Variants in IGLON5 observed in about 807,000 individuals in gnomAD.
IGLON5 encodes Ig-like domain-containing protein ENSP00000270642.
IGLON5 carries 16 observed loss-of-function variants against 38.2 expected under a neutral mutation model. The observed-to-expected ratio is 0.42, with a 90% CI of 0.28 to 0.64. IGLON5 has a LOEUF of 0.64. Ranked by LOEUF, IGLON5 falls within the 30% of genes least tolerant of loss-of-function variation. The pLI is 0.23. For missense variants in IGLON5, 366 were observed against 483.4 expected (o/e 0.76, Z 2.28); for synonymous variants, 207 against 216.4 (o/e 0.96, Z 0.38).
chr19:51,313,589 T>G (rs1984822523), intron 1 of IGLON5, among the ~76,000 whole-genome samples: 1 of 131,386 alleles, frequency 7.6e-6, no homozygotes. Flanking sequence ...TTCTCTTTCC[T>G]TCTTTCTCTT....
At chr19:51,314,164 A>C (rs1599821767) in intron 1 of IGLON5, among the ~76,000 whole-genome samples, 2 of 144,178 alleles carry the variant, frequency 1.4e-5, no homozygotes, top group Admixed American at 6.9e-5. Context: ...TCTCACTGCA[A>C]CTTCCCATTT....
At chr19:51,312,685 GATGGGC>G (rs1984797487) in intron 1 of IGLON5, among the ~76,000 whole-genome samples, 1 of 152,044 alleles carries the variant, frequency 6.6e-6, no homozygotes, top group Non-Finnish European at 1.5e-5. Context: ...GTGGAAGAGC[GATGGGC>G]ATGGGAGGAT....
In IGLON5 at chr19:51,323,698, G is replaced by A. The variant is rs892964109; in HGVS notation, c.195G>A (p.Trp65Ter). The A allele has an allele frequency of 6.2e-7, 1 of 1,613,698 alleles. No individual in the cohort carries two copies. Among genetic ancestry groups the A allele is most frequent in the Non-Finnish European group, 8.5e-7 (1 of 1,179,834 alleles). The change falls in exon 3 of 8, where the codon TGG becomes TGA. Residue 65 changes from tryptophan to a stop codon, truncating the protein, a stop_gained. Transcript: ENST00000270642. LOFTEE classifies it high-confidence loss of function. Reference sequence around the variant, plus strand: ...ACGAGCACGTGACCCGCGTGGCCTGGCTGAACCGCTCCAACATCCTGTATG... The same window carrying A: ...ACGAGCACGTGACCCGCGTGGCCTGACTGAACCGCTCCAACATCCTGTATG... ...FIDEHVTRVA[W>*]LNRSNILYAG... is the part of the protein sequence containing the mutation.
rs1985241731 is a variant in IGLON5, at chr19:51,327,276, C to T, written c.767+76C>T. On this transcript the variant is annotated intron_variant, in intron 6 of 7. Coordinates refer to ENST00000270642, the MANE Select transcript of IGLON5 (RefSeq NM_001101372.3). The surrounding 1 kb of genome is among the most constrained non-coding windows in gnomAD (Gnocchi z 7.1). ...TCCCTTCGATTGTGAGGCAGGGGGA[C>T]GGAGCGGGGCGGGGGAAGGCAGCAG... 1 of 1,521,980 alleles carries T rather than the reference C, an allele frequency of 6.6e-7. No homozygotes were observed. Among genetic ancestry groups the T allele is most frequent in the Non-Finnish European group, 8.9e-7 (1 of 1,128,520 alleles). 94.3% of individuals were successfully genotyped at this position (1,521,980 alleles called of 1,614,324 possible). A position where few individuals can be genotyped will look rare whatever the true frequency, so the allele number is the denominator to read the frequency against.
rs1288948562 is a variant in IGLON5, at chr19:51,328,864, C to T, written c.*105C>T. On this transcript the variant is annotated 3_prime_UTR_variant, in exon 8 of 8. Coordinates refer to ENST00000270642, the MANE Select transcript of IGLON5 (RefSeq NM_001101372.3). Reference sequence around the variant, plus strand: ...GGTCTCGTGGGGGCAGAAGAGCTCTCGGCCACCAAGGAAGAAGAGAGAGGA... The same window carrying T: ...GGTCTCGTGGGGGCAGAAGAGCTCTTGGCCACCAAGGAAGAAGAGAGAGGA... 1.0e-5 allele frequency: 7 copies of T among 674,950 alleles called. No individual in the cohort carries two copies. The highest frequency in any genetic ancestry group is 3.8e-5 in the African/African-American group (2 of 52,956). 41.8% of individuals were successfully genotyped at this position (674,950 alleles called of 1,614,324 possible). A position where few individuals can be genotyped will look rare whatever the true frequency, so the allele number is the denominator to read the frequency against.
At position 51,320,828 on chromosome 19, in the gene IGLON5, C is replaced by G. The variant is rs565833163; in HGVS notation, c.80-1236C>G. The stretch of plus-strand genomic sequence containing the variant: ...CATGCATCTGGTTTTATGTGTATGC[C>G]TTCGGTACATTTCTGAGTTAATGTA... On this transcript the variant is annotated intron_variant, in intron 1 of 7. Coordinates refer to ENST00000270642, the MANE Select transcript of IGLON5 (RefSeq NM_001101372.3). 2.0e-5 allele frequency among the ~76,000 whole-genome samples: 3 copies of G among 152,194 alleles called. No individual in the cohort carries two copies. In the South Asian group the frequency reaches 6.2e-4, roughly 32 times the overall value.
At chr19:51,312,982 C>A (rs950151561) in intron 1 of IGLON5, among the ~76,000 whole-genome samples, 3 of 152,130 alleles carry the variant, frequency 2.0e-5, no homozygotes, top group Admixed American at 2.0e-4. Flanking sequence ...CTGGAGGATT[C>A]CCCCAGGCCC....
rs1985185460 is a variant in IGLON5, at chr19:51,325,273, T to C, written c.392-73T>C. On this transcript the variant is annotated intron_variant, in intron 3 of 7. Transcript: ENST00000270642. This position sits in a 1 kb window ranked among gnomAD's most constrained non-coding sequence, Gnocchi z 5.5. ...AGGAGGGGCTGGGGGTCTGGACTCC[T>C]GGGTCTGAAGGAGGAAGGGCTGGGG... 2.6e-6 allele frequency: 4 copies of C among 1,568,352 alleles called. No individual in the cohort carries two copies. Among genetic ancestry groups the C allele is most frequent in the African/African-American group, 2.7e-5 (2 of 73,884 alleles).
rs1447388619 is a variant in IGLON5 at position 51,323,663 on chromosome 19, TGCTTCATC to T, written c.162_169del (p.Cys54Ter). The T allele has an allele frequency of 6.2e-7, 1 of 1,606,500 alleles. No individual in the cohort carries two copies. Among genetic ancestry groups the T allele is most frequent in the South Asian group, 1.1e-5 (1 of 90,878 alleles). On this transcript the variant is annotated frameshift_variant and splice_region_variant, in exon 3 of 8. Transcript: ENST00000270642. LOFTEE classifies it high-confidence loss of function. ...CCTTCCCACTCATTCTCCCTGCAGC[TGCTTCATC>T]GACGAGCACGTGACCCGCGTGGCCT...
chr19:51,321,030 T>A (rs756572324), intron 1 of IGLON5, among the ~76,000 whole-genome samples: 2 of 152,206 alleles, frequency 1.3e-5, no homozygotes, highest in Non-Finnish European at 2.9e-5. Context: ...TATTTGTGTG[T>A]GTGTATGTGT....
intron 1 of IGLON5, among the ~76,000 whole-genome samples, chr19:51,321,159 G>A (rs915876465): frequency 6.6e-6 from 1 of 152,178 alleles, no homozygotes; most frequent in African/African-American, 2.4e-5. Context: ...CTCTGCATAT[G>A]TATATGTATC....
At chr19:51,326,665 C>G in intron 4 of IGLON5, 99 bp from the exon 5 acceptor site, 1 of 700,016 alleles carries the variant, frequency 1.4e-6, no homozygotes. Context: ...CAGGCCTTGC[C>G]GTGCCCGCCC....
At chr19:51,319,667 T>C (rs976578958) in intron 1 of IGLON5, among the ~76,000 whole-genome samples, 12 of 152,244 alleles carry the variant, frequency 7.9e-5, no homozygotes, top group African/African-American at 2.9e-4. Context: ...ATGGGGTGAC[T>C]CAGGGTGCAG....
intron 1 of IGLON5, among the ~76,000 whole-genome samples, chr19:51,313,032 G>A (rs1055066518): frequency 1.3e-5 from 2 of 152,104 alleles, no homozygotes; most frequent in African/African-American, 4.8e-5. Context: ...CAAGAACCCC[G>A]ACAGAGTCCC....
In IGLON5 at chr19:51,318,027, G is replaced by A. The variant is rs1047717873; in HGVS notation, c.80-4037G>A. On this transcript the variant is annotated intron_variant, in intron 1 of 7. Transcript: ENST00000270642. ...TTCTGAGATTGGCTCGACCCTGGGGGGACACAGCTAAGATTCAAGCCATCA... is the reference window on the plus strand; with the variant it reads ...TTCTGAGATTGGCTCGACCCTGGGGAGACACAGCTAAGATTCAAGCCATCA... Among the ~76,000 whole-genome samples the A allele has an allele frequency of 3.9e-5, 6 of 152,256 alleles. No individual in the cohort carries two copies. In the South Asian group the frequency reaches 1.2e-3, roughly 32 times the overall value.
At chr19:51,316,494 TTTTC>T (rs1411859318) in intron 1 of IGLON5, among the ~76,000 whole-genome samples, 7 of 148,124 alleles carry the variant, frequency 4.7e-5, no homozygotes, top group Non-Finnish European at 7.5e-5. Context: ...TTTTCTTTTC[TTTTC>T]TTTTTTTTTT....
chr19:51,322,251 A>G, intron 2 of IGLON5, 109 bp downstream of exon 2: 2 of 885,000 alleles, frequency 2.3e-6, no homozygotes, highest in Non-Finnish European at 3.7e-6. Context: ...GGATGGGAAG[A>G]CTTGGGCTCC....
chr19:51,321,896 C>T (rs1017837063), intron 1 of IGLON5, among the ~76,000 whole-genome samples, 168 bp from the exon 2 acceptor site: 14 of 152,304 alleles, frequency 9.2e-5, no homozygotes, highest in African/African-American at 1.7e-4. Context: ...GTGCAGGAGA[C>T]GTCTGTGTCC....
At chr19:51,315,726 T>C in intron 1 of IGLON5, among the ~76,000 whole-genome samples, 1 of 139,516 alleles carries the variant, frequency 7.2e-6, no homozygotes, top group African/African-American at 2.7e-5. Flanking sequence ...GACAGAGTCT[T>C]GCTCTGTCGC....
Sources: gnomAD v4.1 joint callset for allele counts (sites outside exome capture counted in the v4.1 genomes callset) on GRCh38, gnomAD v4.1.1 for gene constraint, Gnocchi (gnomAD v3.1) non-coding constraint, MANE v1.5 for transcripts, NCBI Gene and HGNC (gene_info 2026-07-23, HGNC 2026-07-21) for gene names.